The following AGBL1 variants were observed in gnomAD, a reference collection of about 807,000 sequenced individuals.
AGBL1 encodes cytosolic carboxypeptidase 4.
AGBL1 carries 130 observed loss-of-function variants against 118.9 expected under a neutral mutation model. The observed-to-expected ratio is 1.09, with a 90% CI of 0.95 to 1.26. The LOEUF (loss-of-function observed/expected upper bound fraction) is 1.26, where lower values mean the gene tolerates loss of function less well. AGBL1 is among the 50% of genes most tolerant of loss of function. AGBL1 has a pLI of 0.00. For missense variants in AGBL1, 1,584 were observed against 1,298.1 expected, an observed-to-expected ratio of 1.22 and a Z score of -3.38; for synonymous variants, 555 against 478.9, an observed-to-expected ratio of 1.16 and a Z score of -2.08.
At chr15:86,391,551 G>A (rs1205717568) in intron 17 of AGBL1, among the ~76,000 whole-genome samples, 1 of 150,388 alleles carries the variant, frequency 6.6e-6, no homozygotes, top group African/African-American at 2.5e-5. Context: ...TGCTCTCCTG[G>A]CCATTTCTTC....
At chr15:86,368,313 A>C (rs1013435553) in intron 17 of AGBL1, among the ~76,000 whole-genome samples, 2 of 152,146 alleles carry the variant, frequency 1.3e-5, no homozygotes, top group African/African-American at 4.8e-5. Flanking sequence ...CAACCATGGA[A>C]AACCCACTTT....
chr15:86,289,512 A>T (rs1268926180), intron 16 of AGBL1, among the ~76,000 whole-genome samples: 1 of 152,212 alleles, frequency 6.6e-6, no homozygotes, highest in Admixed American at 6.6e-5. Context: ...TGAGATAGGT[A>T]ATGATGTTTT....
At position 86,907,495 on chromosome 15, in the gene AGBL1, A is replaced by T. The variant is rs2080296655; in HGVS notation, c.*201A>T. ...TAGCCACTTTATAACATTTTATATTAGAGTTAGGTAGCCCTTGGGGCCTAT... is the reference window on the plus strand; with the variant it reads ...TAGCCACTTTATAACATTTTATATTTGAGTTAGGTAGCCCTTGGGGCCTAT... On this transcript the variant is annotated 3_prime_UTR_variant, in exon 23 of 23. Transcript: ENST00000614907. The T allele has an allele frequency of 6.6e-6, 1 of 152,164 alleles. No homozygotes were observed. Among genetic ancestry groups the T allele is most frequent in the Non-Finnish European group, 1.5e-5 (1 of 68,048 alleles). 9.4% of individuals were successfully genotyped at this position (152,164 alleles called of 1,614,324 possible).
intron 22 of AGBL1, among the ~76,000 whole-genome samples, chr15:86,826,616 T>C (rs2079015313): frequency 6.6e-6 from 1 of 152,152 alleles, no homozygotes; most frequent in East Asian, 1.9e-4. Context: ...AATTTCAGGT[T>C]TTAAAATTTG....
At chr15:86,832,126 C>A (rs1437470581) in intron 22 of AGBL1, among the ~76,000 whole-genome samples, 5 of 152,194 alleles carry the variant, frequency 3.3e-5, no homozygotes, top group Non-Finnish European at 7.3e-5. Flanking sequence ...CACAAAGCAG[C>A]AGGGCACTGG....
intron 21 of AGBL1, among the ~76,000 whole-genome samples, chr15:86,588,448 G>A (rs530660723): frequency 2.8e-4 from 42 of 152,324 alleles, no homozygotes; most frequent in African/African-American, 9.6e-4. Context: ...AGTAACCATT[G>A]AGGACTGGCC....
intron 17 of AGBL1, among the ~76,000 whole-genome samples, chr15:86,391,639 G>GT (rs2081287521): frequency 3.8e-5 from 4 of 104,108 alleles, no homozygotes; most frequent in African/African-American, 1.3e-4. Context: ...TGTTGTTGTT[G>GT]GTTTTTTTTT....
At chr15:86,777,180 T>G (rs1278015364) in intron 22 of AGBL1, among the ~76,000 whole-genome samples, 1 of 152,092 alleles carries the variant, frequency 6.6e-6, no homozygotes, top group Admixed American at 6.6e-5. Context: ...TGTGCCAAAC[T>G]CTCATATACA....
At chr15:86,376,546 T>C (rs892003861) in intron 17 of AGBL1, among the ~76,000 whole-genome samples, 5 of 152,250 alleles carry the variant, frequency 3.3e-5, no homozygotes, top group African/African-American at 9.6e-5. Context: ...TGCCATGATG[T>C]GTGATAACAG....
chr15:86,648,386 G>A (rs868157742), intron 21 of AGBL1, among the ~76,000 whole-genome samples: 1 of 152,164 alleles, frequency 6.6e-6, no homozygotes, highest in Admixed American at 6.5e-5. Context: ...GATTAGAGGT[G>A]GTGGGTGGGA....
intron 18 of AGBL1, among the ~76,000 whole-genome samples, chr15:86,510,312 C>T (rs983340275): frequency 3.3e-5 from 5 of 151,218 alleles, no homozygotes; most frequent in African/African-American, 4.8e-5. Context: ...TCTAGAGACA[C>T]ATTTTGGCTT....
intron 18 of AGBL1, among the ~76,000 whole-genome samples, chr15:86,521,558 T>C (rs748827123): frequency 1.3e-5 from 2 of 152,112 alleles, no homozygotes; most frequent in African/African-American, 2.4e-5. Flanking sequence ...AAATAGGAGA[T>C]AGATGCAATG....
intron 24 of AGBL1, among the ~76,000 whole-genome samples, chr15:86,992,271 C>T (rs1309536941): frequency 6.6e-6 from 1 of 152,104 alleles, no homozygotes; most frequent in Non-Finnish European, 1.5e-5. Context: ...GAGGAATCTG[C>T]CCCCATGACA....
intron 1 of AGBL1, among the ~76,000 whole-genome samples, chr15:86,127,449 A>C (rs1379079719): frequency 6.6e-6 from 1 of 152,166 alleles, no homozygotes; most frequent in African/African-American, 2.4e-5. Flanking sequence ...GTGTCTGTGG[A>C]TCTTGATTAC....
chr15:86,827,485 GTGTGTATATA>G lies in AGBL1; in HGVS notation c.3159-79600_3159-79591del, dbSNP rs1567194981. Among the ~76,000 whole-genome samples the G allele has an allele frequency of 4.4e-3, 17 of 3,868 alleles. 2 individuals carry two copies. The highest frequency in any genetic ancestry group is 7.0e-3 in the Non-Finnish European group (14 of 1,990). The allele number at this position is 3,868 out of a possible 152,430, so 2.5% of individuals were successfully genotyped here. A position where few individuals can be genotyped will look rare whatever the true frequency, so the allele number is the denominator to read the frequency against. On this transcript the variant is annotated intron_variant, in intron 22 of 22. Transcript: ENST00000614907. ...TATATATATACATATATATATATATGTGTGTATATATATATATATATATATATATATATAT... is the reference window on the plus strand; with the variant it reads ...TATATATATACATATATATATATATGTATATATATATATATATATATATAT...
chr15:86,479,803 C>T (rs1347454690), intron 18 of AGBL1, among the ~76,000 whole-genome samples: 1 of 152,068 alleles, frequency 6.6e-6, no homozygotes, highest in Non-Finnish European at 1.5e-5. Flanking sequence ...TATTGCGGCA[C>T]TATTCACAAT....
At chr15:86,542,639 A>C (rs2083520724) in intron 19 of AGBL1, among the ~76,000 whole-genome samples, 1 of 151,992 alleles carries the variant, frequency 6.6e-6, no homozygotes, top group South Asian at 2.1e-4. Context: ...AAGTGCTGGG[A>C]TTTCCAGGAG....
chr15:86,509,922 A>C (rs150279590), intron 18 of AGBL1, among the ~76,000 whole-genome samples: 16 of 150,872 alleles, frequency 1.1e-4, no homozygotes, highest in Admixed American at 2.0e-4. Context: ...CACTGTAGCA[A>C]GTGTCAAAAC....
At chr15:86,886,156 A>T (rs879920759) in intron 22 of AGBL1, among the ~76,000 whole-genome samples, 2 of 152,220 alleles carry the variant, frequency 1.3e-5, no homozygotes, top group African/African-American at 4.8e-5. Flanking sequence ...CTCATACTTC[A>T]TATGAAGTAA....
Sources: gnomAD v4.1 joint callset for allele counts (sites outside exome capture counted in the v4.1 genomes callset) on GRCh38, gnomAD v4.1.1 for gene constraint, MANE v1.5 for transcripts, NCBI Gene and HGNC (gene_info 2026-07-23, HGNC 2026-07-21) for gene names.